The following GRID1 variants were observed in gnomAD, a reference collection of about 807,000 sequenced individuals.
GRID1 encodes glutamate ionotropic receptor delta type subunit 1.
A neutral mutation model predicts 98.0 loss-of-function variants in GRID1; 28 were observed. The observed-to-expected ratio is 0.29, with a 90% CI of 0.21 to 0.39. GRID1 has a LOEUF of 0.39. Among genes scored for constraint, GRID1 ranks in the 10% least tolerant of loss-of-function variants. The probability of loss-of-function intolerance (pLI) is 1.00; values close to 1 mark genes in which losing one functional copy is unlikely to be tolerated. For missense variants in GRID1, 1,111 were observed against 1,340.5 expected, an observed-to-expected ratio of 0.83 and a Z score of 2.67; for synonymous variants, 553 against 538.5, an observed-to-expected ratio of 1.03 and a Z score of -0.37.
chr10:86,017,016 C>A (rs1842989337), intron 4 of GRID1, among the ~76,000 whole-genome samples: 2 of 152,156 alleles, frequency 1.3e-5, no homozygotes, highest in Non-Finnish European at 2.9e-5. Flanking sequence ...GGCCCTGAAG[C>A]AGAAATAGTC....
chr10:85,632,420 A>T (rs1033150219), intron 13 of GRID1, among the ~76,000 whole-genome samples: 4 of 152,164 alleles, frequency 2.6e-5, no homozygotes, highest in Non-Finnish European at 5.9e-5. Flanking sequence ...TAAAACACAG[A>T]CTGCTAACCT....
chr10:86,176,588 C>A (rs1255009296), intron 3 of GRID1, among the ~76,000 whole-genome samples: 7 of 152,160 alleles, frequency 4.6e-5, no homozygotes, highest in Admixed American at 3.9e-4. Context: ...AGGGAGGGGC[C>A]AGGTGGGAAA....
intron 4 of GRID1, among the ~76,000 whole-genome samples, chr10:86,060,850 T>C (rs116443702): frequency 0.011 from 1,689 of 152,238 alleles, 31 homozygotes; most frequent in African/African-American, 0.038. Flanking sequence ...TGGTCCCCTG[T>C]CCACAGGCAG....
chr10:85,650,755 G>C (rs1388180548), intron 12 of GRID1, among the ~76,000 whole-genome samples: 1 of 152,168 alleles, frequency 6.6e-6, no homozygotes, highest in African/African-American at 2.4e-5. Context: ...GAACCAAGGG[G>C]TAGAATGTTC....
intron 2 of GRID1, among the ~76,000 whole-genome samples, chr10:86,303,821 C>T (rs997843364): frequency 2.6e-5 from 4 of 152,232 alleles, no homozygotes; most frequent in South Asian, 4.1e-4. Context: ...CAGCAGGGCT[C>T]GTCCTGAGCC....
At chr10:85,834,409 G>A (rs1057099706) in intron 8 of GRID1, among the ~76,000 whole-genome samples, 1 of 152,094 alleles carries the variant, frequency 6.6e-6, no homozygotes, top group African/African-American at 2.4e-5. Context: ...TCAGATGAAG[G>A]AAGACCAAAA....
At position 85,637,138 on chromosome 10, in the gene GRID1, A is replaced by T. The variant is rs76893402; in HGVS notation, c.2193+10064T>A. The stretch of plus-strand genomic sequence containing the variant: ...TTTTACCACATTGTCAGAAAAATGC[A>T]GGATGAAATATTTTTATAGCATTAT... On this transcript the variant is annotated intron_variant, in intron 13 of 15. Coordinates refer to ENST00000327946, the MANE Select transcript of GRID1 (RefSeq NM_017551.3). Among the ~76,000 whole-genome samples, 514 of 152,340 alleles carry T rather than the reference A, an allele frequency of 3.4e-3. 7 individuals carry two copies. The highest frequency in any genetic ancestry group is 0.012 in the African/African-American group (492 of 41,584).
At chr10:85,747,493 A>G (rs1220785896) in intron 8 of GRID1, among the ~76,000 whole-genome samples, 3 of 152,082 alleles carry the variant, frequency 2.0e-5, no homozygotes, top group Non-Finnish European at 4.4e-5. Context: ...GCACTGGCAC[A>G]ACCTAGAAAC....
chr10:85,741,695 C>T (rs140500622), intron 8 of GRID1, among the ~76,000 whole-genome samples: 1 of 152,036 alleles, frequency 6.6e-6, no homozygotes, highest in African/African-American at 2.4e-5. Context: ...TTATTTCATT[C>T]TTCTCAAAAT....
chr10:86,111,071 A>G (rs929321818), intron 4 of GRID1, among the ~76,000 whole-genome samples: 7 of 152,208 alleles, frequency 4.6e-5, no homozygotes, highest in Admixed American at 2.6e-4. Context: ...CCTCACTGCA[A>G]GTTTGTAGCT....
intron 3 of GRID1, among the ~76,000 whole-genome samples, chr10:86,157,873 C>T (rs1248696048): frequency 6.6e-6 from 1 of 152,178 alleles, no homozygotes; most frequent in Non-Finnish European, 1.5e-5. Context: ...GTAGCCTCCT[C>T]GGGACTGTCC....
At chr10:86,098,043 T>C (rs1387396383) in intron 4 of GRID1, among the ~76,000 whole-genome samples, 3 of 152,202 alleles carry the variant, frequency 2.0e-5, no homozygotes, top group Admixed American at 6.5e-5. Flanking sequence ...TAGATAAAAA[T>C]ACCACACAAG....
chr10:86,190,940 G>A (rs1845793676), intron 3 of GRID1, among the ~76,000 whole-genome samples: 1 of 152,202 alleles, frequency 6.6e-6, no homozygotes, highest in Non-Finnish European at 1.5e-5. Context: ...ATGCACATGT[G>A]CATCTGTGTG....
chr10:86,115,229 A>T (rs549375281), intron 4 of GRID1, among the ~76,000 whole-genome samples: 4 of 152,336 alleles, frequency 2.6e-5, no homozygotes, highest in African/African-American at 9.6e-5. Context: ...GAACACCAGT[A>T]AAGGATTGCT....
chr10:85,643,675 G>A (rs988206519), intron 13 of GRID1, among the ~76,000 whole-genome samples: 1 of 151,928 alleles, frequency 6.6e-6, no homozygotes, highest in Non-Finnish European at 1.5e-5. Flanking sequence ...TCACTTTTAT[G>A]ACACTAGTTA....
chr10:85,685,993 A>C (rs1253138312), intron 12 of GRID1, among the ~76,000 whole-genome samples: 1 of 152,142 alleles, frequency 6.6e-6, no homozygotes, highest in Admixed American at 6.6e-5. Flanking sequence ...GAATAGAAAA[A>C]CCCATCGCAT....
intron 4 of GRID1, among the ~76,000 whole-genome samples, chr10:86,067,485 A>G (rs1224647367): frequency 6.6e-6 from 1 of 152,216 alleles, no homozygotes; most frequent in African/African-American, 2.4e-5. Flanking sequence ...GGCATCAGGT[A>G]TTTGGGAATG....
intron 4 of GRID1, among the ~76,000 whole-genome samples, chr10:85,976,521 A>C (rs556184245): frequency 6.6e-6 from 1 of 152,292 alleles, no homozygotes; most frequent in South Asian, 2.1e-4. Flanking sequence ...CTTCTGCAAG[A>C]ACTCACCTAT....
intron 12 of GRID1, among the ~76,000 whole-genome samples, chr10:85,669,781 T>C (rs1381204289): frequency 6.6e-6 from 1 of 152,210 alleles, no homozygotes; most frequent in Non-Finnish European, 1.5e-5. Context: ...TTTAATTCCA[T>C]GCAGTAACTT....
Sources: allele counts gnomAD v4.1 joint callset (sites outside exome capture counted in the v4.1 genomes callset), GRCh38; gene constraint gnomAD v4.1.1; transcripts MANE v1.5; gene names NCBI Gene and HGNC (gene_info 2026-07-23, HGNC 2026-07-21).